The following MAD1L1 variants were observed in gnomAD, a reference collection of about 807,000 sequenced individuals.
MAD1L1 encodes mitotic arrest deficient 1 like 1.
A neutral mutation model predicts 96.9 loss-of-function variants in MAD1L1; 95 were observed. That is an observed-to-expected ratio of 0.98 (90% CI 0.83 to 1.16). The LOEUF (loss-of-function observed/expected upper bound fraction) is 1.16. Among genes scored for constraint, MAD1L1 ranks in the 50% most tolerant of loss-of-function variants. The pLI, the probability that MAD1L1 is intolerant of heterozygous loss-of-function variation, is 0.00. For synonymous variants in MAD1L1, 473 were observed against 396.6 expected, an observed-to-expected ratio of 1.19 and a Z score of -2.29; for missense variants, 1,007 against 954.4, an observed-to-expected ratio of 1.06 and a Z score of -0.73.
At chr7:1,835,875 G>T (rs1782915005) in intron 18 of MAD1L1, among the ~76,000 whole-genome samples, 1 of 152,172 alleles carries the variant, frequency 6.6e-6, no homozygotes, top group Admixed American at 6.5e-5. Flanking sequence ...AGAACTGAGG[G>T]TTCTTCCCCC....
intron 11 of MAD1L1, among the ~76,000 whole-genome samples, chr7:2,093,618 T>C (rs1295960009): frequency 6.6e-6 from 1 of 152,164 alleles, no homozygotes; most frequent in Non-Finnish European, 1.5e-5. Flanking sequence ...TTCGCTCTCC[T>C]CCTCCTTCCT....
At chr7:1,872,760 T>C (rs919972563) in intron 18 of MAD1L1, 10 of 152,354 alleles carry the variant, frequency 6.6e-5, no homozygotes, top group African/African-American at 2.2e-4. Flanking sequence ...AAACGCTTGC[T>C]GAACGAATAA....
At chr7:1,819,397 C>CTT (rs1326305569) in intron 18 of MAD1L1, among the ~76,000 whole-genome samples, 1 of 152,148 alleles carries the variant, frequency 6.6e-6, no homozygotes, top group Admixed American at 6.5e-5. Context: ...GACACTCACT[C>CTT]TTAATGAAGA....
At chr7:2,144,263 A>C (rs1789183901) in intron 11 of MAD1L1, among the ~76,000 whole-genome samples, 1 of 152,344 alleles carries the variant, frequency 6.6e-6, no homozygotes, top group Admixed American at 6.5e-5. Context: ...CATGAAGCAC[A>C]GCGCAGCGCA....
chr7:1,849,412 G>A (rs73671095), intron 18 of MAD1L1: 14,497 of 152,214 alleles, frequency 0.095, 1,091 homozygotes, highest in African/African-American at 0.21. Context: ...ACACGTCTTA[G>A]CCGGGTGAAG....
intron 15 of MAD1L1, among the ~76,000 whole-genome samples, chr7:1,966,571 AAAAAAC>A (rs553660356): frequency 0.029 from 4,089 of 138,760 alleles, 119 homozygotes; most frequent in Admixed American, 0.08. Context: ...AAAAAAAAAA[AAAAAAC>A]AAAAAAAATC....
intron 18 of MAD1L1, among the ~76,000 whole-genome samples, chr7:1,860,625 G>A (rs922304724): frequency 1.3e-5 from 2 of 152,194 alleles, no homozygotes; most frequent in African/African-American, 4.8e-5. Flanking sequence ...GCTCTGCCTG[G>A]GGGCTCCCTT....
At chr7:2,211,004 G>A (rs968933272) in intron 10 of MAD1L1, among the ~76,000 whole-genome samples, 1 of 152,240 alleles carries the variant, frequency 6.6e-6, no homozygotes, top group Non-Finnish European at 1.5e-5. Flanking sequence ...GCAGCGCAGT[G>A]ACTTGACACA....
At chr7:1,827,860 C>T (rs1407237671) in intron 18 of MAD1L1, among the ~76,000 whole-genome samples, 4 of 152,136 alleles carry the variant, frequency 2.6e-5, no homozygotes, top group Non-Finnish European at 4.4e-5. Flanking sequence ...CAGATGTAGC[C>T]GAATGAGAAC....
intron 14 of MAD1L1, among the ~76,000 whole-genome samples, chr7:1,999,674 C>A (rs1401620680): frequency 6.6e-6 from 1 of 152,186 alleles, no homozygotes; most frequent in Non-Finnish European, 1.5e-5. Context: ...TACATCATGC[C>A]CGTCACTACA....
At chr7:1,865,719 C>T (rs779820439) in intron 18 of MAD1L1, among the ~76,000 whole-genome samples, 7 of 152,274 alleles carry the variant, frequency 4.6e-5, no homozygotes, top group Non-Finnish European at 7.3e-5. Flanking sequence ...ATTAAGTTTG[C>T]ACAGTTAATC....
intron 10 of MAD1L1, among the ~76,000 whole-genome samples, chr7:2,154,833 C>T (rs1036536172): frequency 1.3e-5 from 2 of 152,080 alleles, no homozygotes; most frequent in African/African-American, 4.8e-5. Flanking sequence ...AGGTGGAATC[C>T]GATCAAACGG....
rs1462800663 is a variant in MAD1L1, at chr7:1,815,976, G to C, written c.*94C>G. 5.1e-5 allele frequency: 71 copies of C among 1,378,738 alleles called. No individual in the cohort carries two copies. The highest frequency in any genetic ancestry group is 6.8e-5 in the Non-Finnish European group (70 of 1,026,122). The allele number at this position is 1,378,738 out of a possible 1,614,324, so 85.4% of individuals were successfully genotyped here. On this transcript the variant is annotated 3_prime_UTR_variant, in exon 19 of 19. Coordinates refer to ENST00000265854, the MANE Select transcript of MAD1L1 (RefSeq NM_001013836.2). ...TGCTGCTGCCCTGTGGGGCTGGAGA[G>C]GCAGGACGTGCACCCAGCCTGTGGC... is the stretch of plus-strand genomic sequence containing the variant.
In MAD1L1 at chr7:2,142,350, G is replaced by A. The variant is rs766810139; in HGVS notation, c.1073+6802C>T. Among the ~76,000 whole-genome samples, 3 of 152,256 alleles carry A rather than the reference G, an allele frequency of 2.0e-5. No homozygotes were observed. The highest frequency in any genetic ancestry group is 2.9e-5 in the Non-Finnish European group (2 of 68,038). ...CTCAAAAGGCTGTCCCCTGGTGCAG[G>A]GCTGGGTTGGGGGCTGAGGCCTCTA... is the stretch of plus-strand genomic sequence containing the variant. On this transcript the variant is annotated intron_variant, in intron 11 of 18. Coordinates refer to ENST00000265854, the MANE Select transcript of MAD1L1 (RefSeq NM_001013836.2). This position sits in a 1 kb window ranked among gnomAD's most constrained non-coding sequence, Gnocchi z 4.7.
At chr7:2,042,873 G>A (rs553650418) in intron 12 of MAD1L1, among the ~76,000 whole-genome samples, 30 of 139,962 alleles carry the variant, frequency 2.1e-4, no homozygotes, top group Admixed American at 9.2e-4. Context: ...GAGCCTTCAC[G>A]CACACACATG....
intron 15 of MAD1L1, among the ~76,000 whole-genome samples, chr7:1,969,254 C>T (rs1780304617): frequency 6.6e-6 from 1 of 152,146 alleles, no homozygotes; most frequent in Non-Finnish European, 1.5e-5. Context: ...CATGGTGGCA[C>T]ATGATTGTAA....
In MAD1L1 at chr7:2,055,006, C is replaced by T. The variant is rs141198355; in HGVS notation, c.1218+14188G>A. 1.7e-3 allele frequency among the ~76,000 whole-genome samples: 262 copies of T among 152,252 alleles called. 2 individuals carry two copies. Among genetic ancestry groups the T allele is most frequent in the African/African-American group, 5.8e-3 (243 of 41,548 alleles). Reference sequence around the variant, plus strand: ...GAGCGGTGGGGCCGGGACTCAGGGACGACGGCAGGGCCCGAACTCCATCTG... The same window carrying T: ...GAGCGGTGGGGCCGGGACTCAGGGATGACGGCAGGGCCCGAACTCCATCTG... On this transcript the variant is annotated intron_variant, in intron 12 of 18. Transcript: ENST00000265854.
In MAD1L1 at chr7:1,968,170, C is replaced by T. The variant is rs770523585; in HGVS notation, c.1506-10451G>A. On this transcript the variant is annotated intron_variant, in intron 15 of 18. Coordinates refer to ENST00000265854, the MANE Select transcript of MAD1L1 (RefSeq NM_001013836.2). The surrounding 1 kb of genome is among the most constrained non-coding windows in gnomAD (Gnocchi z 5.6). ...ACTGGAGAAAGTGCAAACAGCTTCG[C>T]GGACGAGGCACCCGGCAGAGCACGC... Among the ~76,000 whole-genome samples the T allele has an allele frequency of 2.6e-5, 4 of 152,262 alleles. No homozygotes were observed. Among genetic ancestry groups the T allele is most frequent in the Non-Finnish European group, 5.9e-5 (4 of 68,046 alleles).
At chr7:1,826,748 C>G (rs555459499) in intron 18 of MAD1L1, among the ~76,000 whole-genome samples, 1 of 152,372 alleles carries the variant, frequency 6.6e-6, no homozygotes, top group South Asian at 2.1e-4. Context: ...AGAACGGAAG[C>G]TGGCAAAAAG....
Sources: gnomAD v4.1 joint callset for allele counts (sites outside exome capture counted in the v4.1 genomes callset) on GRCh38, gnomAD v4.1.1 for gene constraint, Gnocchi (gnomAD v3.1) non-coding constraint, MANE v1.5 for transcripts, NCBI Gene and HGNC (gene_info 2026-07-23, HGNC 2026-07-21) for gene names.